Variants in TCF20 observed in about 807,000 individuals in gnomAD.
The protein encoded by TCF20 is transcription factor 20, also known as SPRE-binding protein.
TCF20 carries 3 observed loss-of-function variants against 148.6 expected under a neutral mutation model. The ratio of observed to expected loss-of-function variants is 0.02; its 90% CI spans 0.01 to 0.05. The LOEUF (loss-of-function observed/expected upper bound fraction) is 0.05, where lower values mean the gene tolerates loss of function less well. Ranked by LOEUF, TCF20 falls within the 10% of genes least tolerant of loss-of-function variation. TCF20 has a pLI of 1.00. For synonymous variants in TCF20, 1,049 were observed against 909.5 expected (o/e 1.15, Z -2.76); for missense variants, 2,350 against 2,429.3 (o/e 0.97, Z 0.69).
At position 42,210,320 on chromosome 22, in the gene TCF20, C is replaced by T. The variant is rs1221103363; in HGVS notation, c.4986G>A (p.Arg1662=). The T allele has an allele frequency of 3.1e-6, 5 of 1,614,054 alleles. No individual in the cohort carries two copies. Among genetic ancestry groups the T allele is most frequent in the Non-Finnish European group, 3.4e-6 (4 of 1,180,054 alleles). ...TCAGTGACCTCTGACCCTTCCTGCC[C>T]CTCACTAATTTGGTCTGTTCTTCTT... ...AEEEEQTKLV[R]GRKGQRSLTP... The change falls in exon 2 of 6, where the codon AGG becomes AGA. Residue 1662 remains arginine, a synonymous_variant. Coordinates refer to ENST00000677622, the MANE Select transcript of TCF20 (RefSeq NM_001378418.1). The surrounding 1 kb of genome is among the most constrained non-coding windows in gnomAD (Gnocchi z 4.7).
At chr22:42,223,565 G>A (rs575225046) in intron 1 of TCF20, among the ~76,000 whole-genome samples, 1 of 151,894 alleles carries the variant, frequency 6.6e-6, no homozygotes, top group Non-Finnish European at 1.5e-5. Flanking sequence ...AATCCTTTTT[G>A]TAAATGGAGA....
Position 42,297,232 on chromosome 22 carries a change from T to G in TCF20, c.-37+46247A>C, listed in dbSNP as rs572874441. Among the ~76,000 whole-genome samples, 70 of 152,294 alleles carry G rather than the reference T, an allele frequency of 4.6e-4. No individual in the cohort carries two copies. Among genetic ancestry groups the G allele is most frequent in the Non-Finnish European group, 8.2e-4 (56 of 68,008 alleles). On this transcript the variant is annotated intron_variant, in intron 1 of 1. Transcript: ENST00000515426. The surrounding 1 kb of genome is among the most constrained non-coding windows in gnomAD (Gnocchi z 4.3). ...GAAAATGGGCATGATCAGAGAGGGC[T>G]ACGCTGTAGAACTGACCAGGGGGCT... is the stretch of plus-strand genomic sequence containing the variant.
Position 42,211,880 on chromosome 22 carries a change from A to G in TCF20, c.3426T>C (p.Gly1142=), listed in dbSNP as rs1920986188. Residue 1142 remains glycine (G), a synonymous_variant, in exon 2 of 6, where the codon GGT becomes GGC. Coordinates refer to ENST00000677622, the MANE Select transcript of TCF20 (RefSeq NM_001378418.1). ...VRSPLKNDKD[G]MMYGPPVGTY... ...TCCCCACTGGTGGGCCATACATCAT[A>G]CCATCTTTGTCATTTTTCAGAGGGC... is the stretch of plus-strand genomic sequence containing the variant. 3.7e-6 allele frequency: 6 copies of G among 1,614,122 alleles called. No individual in the cohort carries two copies. The highest frequency in any genetic ancestry group is 3.4e-6 in the Non-Finnish European group (4 of 1,180,042).
intron 3 of TCF20, among the ~76,000 whole-genome samples, chr22:42,173,806 C>T (rs1936278640): frequency 6.6e-6 from 1 of 152,192 alleles, no homozygotes; most frequent in South Asian, 2.1e-4. Context: ...CAGGTCTCCA[C>T]ATGAAGGAGC....
chr22:42,196,534 A>G (rs1937606977), intron 2 of TCF20, among the ~76,000 whole-genome samples: 1 of 152,222 alleles, frequency 6.6e-6, no homozygotes, highest in Non-Finnish European at 1.5e-5. Flanking sequence ...GAATTACACT[A>G]TTATCCTAGC....
intron 1 of TCF20, among the ~76,000 whole-genome samples, chr22:42,247,387 C>T (rs934696306): frequency 6.7e-6 from 1 of 150,148 alleles, no homozygotes; most frequent in Non-Finnish European, 1.5e-5. Flanking sequence ...TTGCAGTGAG[C>T]CGAGATGGTG....
intron 2 of TCF20, among the ~76,000 whole-genome samples, chr22:42,203,008 AT>A (rs1351380619): frequency 6.6e-6 from 1 of 152,164 alleles, no homozygotes. Context: ...TTTACATACT[AT>A]TTGCTGTTAG....
At position 42,212,933 on chromosome 22, in the gene TCF20, C is replaced by G. The variant is rs1430088863; in HGVS notation, c.2373G>C (p.Leu791Phe). 4.3e-6 allele frequency: 7 copies of G among 1,614,020 alleles called. No individual in the cohort carries two copies. Among genetic ancestry groups the G allele is most frequent in the Admixed American group, 1.7e-5 (1 of 60,006 alleles). Residue 791 changes from leucine to phenylalanine, a missense_variant, in exon 2 of 6, where the codon TTG (leucine) becomes TTC (phenylalanine). This residue lies in a region of TCF20 where 1,641 missense variants were observed against 1,662.6 expected (regional missense o/e 0.99). Transcript: ENST00000677622. The stretch of plus-strand genomic sequence containing the variant: ...TAGCTAATTCATTGGTTTGACTAAC[C>G]AAGACATTGGGCCTTGTGGTTCCTT... The part of the protein sequence containing the change: ...SLEGTTRPNV[L>F]VSQTNELASR...
At chr22:42,334,437 C>T (rs1296930202) in intron 1 of TCF20, among the ~76,000 whole-genome samples, 1 of 152,210 alleles carries the variant, frequency 6.6e-6, no homozygotes, top group Non-Finnish European at 1.5e-5. Flanking sequence ...CCCTGTCCTC[C>T]CCATCACCTG....
intron 1 of TCF20, among the ~76,000 whole-genome samples, chr22:42,308,629 A>G (rs41492749): frequency 0.022 from 3,358 of 152,224 alleles, 143 homozygotes; most frequent in African/African-American, 0.077. Flanking sequence ...GGCACAAGGT[A>G]TCTGGGAATG....
chr22:42,277,089 A>G (rs1159414844), intron 1 of TCF20: 1 of 152,196 alleles, frequency 6.6e-6, no homozygotes, highest in Non-Finnish European at 1.5e-5. Flanking sequence ...CCCAGGTCTC[A>G]TTCTGCCTCT....
chr22:42,298,530 G>A (rs928892791), intron 1 of TCF20, among the ~76,000 whole-genome samples: 3 of 152,226 alleles, frequency 2.0e-5, no homozygotes, highest in East Asian at 3.8e-4. Context: ...CCAGAACCCC[G>A]AAGCAGAAGG....
chr22:42,282,166 CT>C (rs1926916133), intron 1 of TCF20, among the ~76,000 whole-genome samples: 1 of 152,212 alleles, frequency 6.6e-6, no homozygotes, highest in African/African-American at 2.4e-5. Context: ...CAGCCTTCCC[CT>C]GACCTTCTGC....
At chr22:42,283,241 C>T (rs1742543548) in intron 1 of TCF20, among the ~76,000 whole-genome samples, 1 of 152,236 alleles carries the variant, frequency 6.6e-6, no homozygotes, top group Admixed American at 6.5e-5. Context: ...TGTCCCGCAT[C>T]ACCACTGACA....
At chr22:42,273,832 C>T (rs565994532), upstream of TCF20, 1 of 152,694 alleles carries the variant, frequency 6.5e-6, no homozygotes, top group East Asian at 1.9e-4. Context: ...TTACAAACTC[C>T]TCTGCCCTCC....
intron 2 of TCF20, among the ~76,000 whole-genome samples, chr22:42,203,161 T>C (rs1013206021): frequency 6.6e-6 from 1 of 152,168 alleles, no homozygotes; most frequent in Non-Finnish European, 1.5e-5. Flanking sequence ...TCTCTACTTA[T>C]TTATTTTGAG....
chr22:42,296,524 G>A (rs978891704), intron 1 of TCF20, among the ~76,000 whole-genome samples: 21 of 152,204 alleles, frequency 1.4e-4, no homozygotes, highest in African/African-American at 3.9e-4. Context: ...ACAGCCCTGC[G>A]GCGTTCGAGC....
At chr22:42,202,907 G>C (rs1186091359) in intron 2 of TCF20, among the ~76,000 whole-genome samples, 1 of 152,200 alleles carries the variant, frequency 6.6e-6, no homozygotes, top group Non-Finnish European at 1.5e-5. Flanking sequence ...GAGTCACCCT[G>C]CAAGTTCCCT....
chr22:42,241,374 G>C (rs909845495), intron 1 of TCF20, among the ~76,000 whole-genome samples: 1 of 152,150 alleles, frequency 6.6e-6, no homozygotes, highest in Non-Finnish European at 1.5e-5. Context: ...GACTATAAAA[G>C]AATTATATTT....
Sources: gnomAD v4.1 joint callset for allele counts (sites outside exome capture counted in the v4.1 genomes callset) on GRCh38, gnomAD v4.1.1 for gene constraint, gnomAD v4.1.1 regional missense constraint, Gnocchi (gnomAD v3.1) non-coding constraint, MANE v1.5 for transcripts, NCBI Gene and HGNC (gene_info 2026-07-23, HGNC 2026-07-21) for gene names.